DNM3: variants seen among roughly 807,000 people sequenced by gnomAD.
DNM3 encodes the protein dynamin-3.
DNM3 carries 47 observed loss-of-function variants against 101.6 expected under a neutral mutation model. The ratio of observed to expected loss-of-function variants is 0.46; its 90% confidence interval spans 0.37 to 0.59. The LOEUF is 0.59. Among genes scored for constraint, DNM3 ranks in the 20% least tolerant of loss-of-function variants. The pLI is 0.00. For missense variants in DNM3, 849 were observed against 1,085.7 expected, an observed-to-expected ratio of 0.78 and a Z score of 3.06; for synonymous variants, 385 against 387.9, an observed-to-expected ratio of 0.99 and a Z score of 0.09.
intron 15 of DNM3, among the ~76,000 whole-genome samples, chr1:172,284,047 A>C (rs2063602813): frequency 6.6e-6 from 1 of 152,130 alleles, no homozygotes; most frequent in African/African-American, 2.4e-5. Flanking sequence ...ATCCAGGAAA[A>C]TGTGGAAGAA....
chr1:172,187,229 T>C (rs768856513), intron 14 of DNM3, among the ~76,000 whole-genome samples: 5 of 152,100 alleles, frequency 3.3e-5, no homozygotes, highest in Admixed American at 6.6e-5. Context: ...CTCAGATTTT[T>C]CACACCACTT....
At chr1:172,147,684 T>C (rs1358046316) in intron 14 of DNM3, among the ~76,000 whole-genome samples, 1 of 152,162 alleles carries the variant, frequency 6.6e-6, no homozygotes, top group Non-Finnish European at 1.5e-5. Flanking sequence ...CAGATATGCG[T>C]ACTTCAGCTA....
At chr1:172,019,421 T>TC (rs2125741329) in intron 4 of DNM3, among the ~76,000 whole-genome samples, 1 of 151,500 alleles carries the variant, frequency 6.6e-6, no homozygotes, top group East Asian at 1.9e-4. Context: ...ATTTTTGCTT[T>TC]TTTTTTTTGT....
chr1:171,966,298 C>G (rs776404049), intron 2 of DNM3, among the ~76,000 whole-genome samples: 22 of 152,182 alleles, frequency 1.4e-4, no homozygotes, highest in Non-Finnish European at 2.4e-4. Context: ...CAGAAGCTTC[C>G]CTCTCCCTCA....
chr1:171,882,265 C>T (rs566990257), intron 1 of DNM3, among the ~76,000 whole-genome samples: 91 of 147,850 alleles, frequency 6.2e-4, no homozygotes, highest in Middle Eastern at 3.5e-3. Context: ...ATTGCTTGAA[C>T]CTGGGAGGCG....
chr1:172,410,401 A>C lies in DNM3; in HGVS notation c.*2560A>C, dbSNP rs2071137921. The C allele has an allele frequency of 1.0e-6, 1 of 985,076 alleles. No homozygotes were observed. Among genetic ancestry groups the C allele is most frequent in the Non-Finnish European group, 1.2e-6 (1 of 829,726 alleles). 61.0% of individuals were successfully genotyped at this position (985,076 alleles called of 1,614,324 possible). ...AACTGATTGCTCTGATATTGTAAAC[A>C]CAATAGATGTAGCTCTATCATGTCT... is the stretch of plus-strand genomic sequence containing the variant. On this transcript the variant is annotated 3_prime_UTR_variant, in exon 21 of 21. Coordinates refer to ENST00000627582, the MANE Select transcript of DNM3 (RefSeq NM_015569.5).
chr1:172,131,409 G>T, intron 14 of DNM3, 121 bp downstream of exon 14: 2 of 772,278 alleles, frequency 2.6e-6, no homozygotes, highest in Non-Finnish European at 4.1e-6. Context: ...GATTAAGCTT[G>T]GAATGTTTGT....
At chr1:172,196,069 C>T (rs957800233) in intron 14 of DNM3, among the ~76,000 whole-genome samples, 11 of 151,728 alleles carry the variant, frequency 7.2e-5, no homozygotes, top group Admixed American at 6.6e-4. Context: ...ACCCTCCACC[C>T]TCAAGTAGAC....
intron 20 of DNM3, among the ~76,000 whole-genome samples, chr1:172,398,244 T>G (rs2070176905): frequency 6.6e-6 from 1 of 152,204 alleles, no homozygotes; most frequent in Non-Finnish European, 1.5e-5. Context: ...TCCTTCTGAT[T>G]TCCCTTGTTT....
chr1:172,210,663 A>G (rs2060483929), intron 14 of DNM3, among the ~76,000 whole-genome samples: 2 of 151,994 alleles, frequency 1.3e-5, no homozygotes, highest in Admixed American at 1.3e-4. Flanking sequence ...CACTAAGAAA[A>G]CCTTTTCTTT....
At chr1:171,856,282 A>T (rs1198470924) in intron 1 of DNM3, among the ~76,000 whole-genome samples, 2 of 152,276 alleles carry the variant, frequency 1.3e-5, no homozygotes, top group East Asian at 3.9e-4. Flanking sequence ...GTAGCCCTGT[A>T]GTATAGTTTG....
intron 1 of DNM3, among the ~76,000 whole-genome samples, chr1:171,843,889 G>A (rs1275729613): frequency 6.6e-6 from 1 of 152,186 alleles, no homozygotes; most frequent in Non-Finnish European, 1.5e-5. Context: ...GAATGCATTA[G>A]TAATTTGTTG....
At chr1:172,344,447 G>A (rs2148966626) in intron 17 of DNM3, among the ~76,000 whole-genome samples, 1 of 152,288 alleles carries the variant, frequency 6.6e-6, no homozygotes, top group South Asian at 2.1e-4. Context: ...CTTCACAAAT[G>A]TGTTAAAACA....
At position 172,308,854 on chromosome 1, in the gene DNM3, T is replaced by C. The variant is rs774687684; in HGVS notation, c.1881+15T>C. ...ACAAATCTGTAGTAAGTTGGATATA[T>C]CTCTTATGTAAAAATTATTATTAGC... On this transcript the variant is annotated intron_variant, in intron 16 of 20. Coordinates refer to ENST00000627582, the MANE Select transcript of DNM3 (RefSeq NM_015569.5). 4 of 1,461,346 alleles carry C rather than the reference T, an allele frequency of 2.7e-6. No individual in the cohort carries two copies. The South Asian group carries it at 3.6e-5, about 13-fold the overall frequency. 90.5% of individuals were successfully genotyped at this position (1,461,346 alleles called of 1,614,324 possible).
chr1:172,323,431 G>C, intron 17 of DNM3, 91 bp downstream of exon 17: 1 of 1,458,078 alleles, frequency 6.9e-7, no homozygotes, highest in Non-Finnish European at 9.3e-7. Context: ...GTGCATGCTG[G>C]AATGACTGTC....
rs1190572831 is a variant in DNM3, at chr1:172,253,564, T to C, written c.1660-9T>C. ...CCTCTCCCTCTTTTCTTTCTCTCTCTTATAATAGGAAAAAGAAAAGAAGTA... is the reference window on the plus strand; with the variant it reads ...CCTCTCCCTCTTTTCTTTCTCTCTCCTATAATAGGAAAAAGAAAAGAAGTA... On this transcript the variant is annotated splice_polypyrimidine_tract_variant and intron_variant, in intron 14 of 20. Transcript: ENST00000627582. The C allele has an allele frequency of 3.3e-6, 5 of 1,517,934 alleles. No individual in the cohort carries two copies. Among genetic ancestry groups the C allele is most frequent in the Non-Finnish European group, 2.7e-6 (3 of 1,125,846 alleles). The allele number at this position is 1,517,934 out of a possible 1,614,324, so 94.0% of individuals were successfully genotyped here.
At chr1:171,878,024 A>G (rs1226922506) in intron 1 of DNM3, among the ~76,000 whole-genome samples, 1 of 152,218 alleles carries the variant, frequency 6.6e-6, no homozygotes. Context: ...CAGCACAGTC[A>G]TTGTGGCCTA....
intron 14 of DNM3, among the ~76,000 whole-genome samples, chr1:172,234,757 A>T (rs1181892003): frequency 6.6e-6 from 1 of 151,532 alleles, no homozygotes; most frequent in East Asian, 1.9e-4. Context: ...GATCTTCGAC[A>T]CCTATTTAAT....
intron 13 of DNM3, among the ~76,000 whole-genome samples, chr1:172,110,729 G>A (rs1298952589): frequency 6.6e-6 from 1 of 152,152 alleles, no homozygotes; most frequent in Admixed American, 6.5e-5. Flanking sequence ...AAATAAATAT[G>A]TCACCACAAC....
Sources: allele counts gnomAD v4.1 joint callset (sites outside exome capture counted in the v4.1 genomes callset), GRCh38; gene constraint gnomAD v4.1.1; transcripts MANE v1.5; gene names NCBI Gene and HGNC (gene_info 2026-07-23, HGNC 2026-07-21).